The following ANK1 variants were observed in gnomAD, a reference collection of about 807,000 sequenced individuals.
ANK1 encodes the protein ankyrin 1, also known as ankyrin-1.
A neutral mutation model predicts 210.4 loss-of-function variants in ANK1; 51 were observed. The observed-to-expected ratio is 0.24, with a 90% CI of 0.19 to 0.31. The LOEUF (loss-of-function observed/expected upper bound fraction) is 0.31. Ranked by LOEUF, ANK1 falls within the 10% of genes least tolerant of loss-of-function variation. ANK1 has a pLI of 1.00. For missense variants in ANK1, 2,051 were observed against 2,504.4 expected, an observed-to-expected ratio of 0.82 and a Z score of 3.86; for synonymous variants, 967 against 1,025.9, an observed-to-expected ratio of 0.94 and a Z score of 1.10.
chr8:41,709,283 C>T (rs1474856581), intron 16 of ANK1, among the ~76,000 whole-genome samples: 1 of 152,250 alleles, frequency 6.6e-6, no homozygotes, highest in African/African-American at 2.4e-5. Context: ...GAAAGATTCT[C>T]ATTTCTTGCT....
At chr8:41,737,474 C>G (rs1833717067) in intron 2 of ANK1, among the ~76,000 whole-genome samples, 2 of 152,170 alleles carry the variant, frequency 1.3e-5, no homozygotes, top group African/African-American at 4.8e-5. Context: ...AGAAAACCCC[C>G]TTTCTTCTCT....
chr8:41,715,959 A>T (rs779930106), intron 13 of ANK1, 110 bp from the exon 14 acceptor site: 39 of 1,242,754 alleles, frequency 3.1e-5, no homozygotes, highest in Non-Finnish European at 4.3e-5. Flanking sequence ...TGACCTTCTC[A>T]AGGTCACACA....
At position 41,813,147 on chromosome 8, in the gene ANK1, A is replaced by T. The variant is rs531551834; in HGVS notation, c.127-55010T>A. ...AGAAAATGTCTAGATTGTGGGTTATAACGAAGCACATTTTGCAGTTTGAAT... is the reference window on the plus strand; with the variant it reads ...AGAAAATGTCTAGATTGTGGGTTATTACGAAGCACATTTTGCAGTTTGAAT... On this transcript the variant is annotated intron_variant, in intron 1 of 42. Transcript: ENST00000265709. 1.1e-4 allele frequency among the ~76,000 whole-genome samples: 17 copies of T among 152,362 alleles called. No individual in the cohort carries two copies. The South Asian group carries it at 3.1e-3, about 28-fold the overall frequency.
At chr8:41,785,244 T>C (rs949855787) in intron 1 of ANK1, among the ~76,000 whole-genome samples, 3 of 152,088 alleles carry the variant, frequency 2.0e-5, no homozygotes, top group African/African-American at 7.2e-5. Context: ...ACTATGGTCC[T>C]GGCTACTCGG....
chr8:41,694,221 G>A lies in ANK1; in HGVS notation c.3328-119C>T. 9.0e-7 allele frequency: 1 copy of A among 1,105,338 alleles called. No individual in the cohort carries two copies. Among genetic ancestry groups the A allele is most frequent in the Non-Finnish European group, 1.3e-6 (1 of 770,260 alleles). The allele number at this position is 1,105,338 out of a possible 1,614,324, so 68.5% of individuals were successfully genotyped here. A position where few individuals can be genotyped will look rare whatever the true frequency, so the allele number is the denominator to read the frequency against. On this transcript the variant is annotated intron_variant, in intron 28 of 42. Transcript: ENST00000289734. The surrounding 1 kb of genome is among the most constrained non-coding windows in gnomAD (Gnocchi z 5.7). Reference sequence around the variant, plus strand: ...GTGCACGGGGTCCCGCCCTGCTGTTGGACCACAGAACCGACACGGTGGAGC... The same window carrying A: ...GTGCACGGGGTCCCGCCCTGCTGTTAGACCACAGAACCGACACGGTGGAGC...
intron 1 of ANK1, among the ~76,000 whole-genome samples, chr8:41,856,209 A>G (rs1245329591): frequency 6.6e-6 from 1 of 152,220 alleles, no homozygotes; most frequent in Non-Finnish European, 1.5e-5. Context: ...TTCAATTTCA[A>G]GAGAACTTCT....
At chr8:41,699,986 T>C (rs1260138438) in intron 22 of ANK1, among the ~76,000 whole-genome samples, 1 of 152,224 alleles carries the variant, frequency 6.6e-6, no homozygotes, top group Non-Finnish European at 1.5e-5. Context: ...CAAAACCTCA[T>C]TACTTCCAAA....
chr8:41,705,270 T>C (rs1414271648), intron 18 of ANK1, among the ~76,000 whole-genome samples: 1 of 152,202 alleles, frequency 6.6e-6, no homozygotes, highest in Non-Finnish European at 1.5e-5. Context: ...CATAATGGGA[T>C]GGCTTTTGGA....
chr8:41,741,326 C>T (rs369128014), intron 2 of ANK1, among the ~76,000 whole-genome samples: 2 of 152,326 alleles, frequency 1.3e-5, no homozygotes, highest in Non-Finnish European at 1.5e-5. Flanking sequence ...GTCGAGGGGG[C>T]CTCCTCTGGC....
chr8:41,842,438 A>C (rs1436069232), intron 1 of ANK1, among the ~76,000 whole-genome samples: 1 of 152,088 alleles, frequency 6.6e-6, no homozygotes, highest in East Asian at 1.9e-4. Context: ...GGTTGCAGTG[A>C]GCCAAGATCA....
At chr8:41,888,072 G>A (rs1352209420) in intron 1 of ANK1, among the ~76,000 whole-genome samples, 1 of 152,230 alleles carries the variant, frequency 6.6e-6, no homozygotes, top group Non-Finnish European at 1.5e-5. Flanking sequence ...ACAGACTTGA[G>A]CTGACTGCCA....
intron 1 of ANK1, among the ~76,000 whole-genome samples, chr8:41,825,531 G>C (rs1214342993): frequency 6.6e-6 from 1 of 152,166 alleles, no homozygotes; most frequent in Non-Finnish European, 1.5e-5. Flanking sequence ...TCTGAGAACT[G>C]TGTCCTGTTG....
At chr8:41,785,998 T>G (rs1846288330) in intron 1 of ANK1, among the ~76,000 whole-genome samples, 1 of 152,208 alleles carries the variant, frequency 6.6e-6, no homozygotes, top group African/African-American at 2.4e-5. Flanking sequence ...GAGTGCCCCT[T>G]ACAGCCAACT....
intron 1 of ANK1, among the ~76,000 whole-genome samples, chr8:41,807,253 C>T (rs1851103758): frequency 6.6e-6 from 1 of 152,158 alleles, no homozygotes; most frequent in African/African-American, 2.4e-5. Flanking sequence ...CCATGTTACT[C>T]ATCAGATGAC....
At chr8:41,847,688 T>C (rs1810324960) in intron 1 of ANK1, among the ~76,000 whole-genome samples, 1 of 152,180 alleles carries the variant, frequency 6.6e-6, no homozygotes, top group Admixed American at 6.5e-5. Context: ...TATAGTCTTC[T>C]TGTGCAAAAT....
At chr8:41,720,558 T>C (rs1828991045) in intron 9 of ANK1, among the ~76,000 whole-genome samples, 1 of 152,204 alleles carries the variant, frequency 6.6e-6, no homozygotes, top group Non-Finnish European at 1.5e-5. Context: ...GTGCACCTGG[T>C]ATGGGTTAAG....
intron 1 of ANK1, among the ~76,000 whole-genome samples, chr8:41,876,429 T>G (rs1225714317): frequency 6.6e-6 from 1 of 152,182 alleles, no homozygotes; most frequent in Non-Finnish European, 1.5e-5. Context: ...CCCTGGGGGC[T>G]GGGGCGCATT....
intron 1 of ANK1, among the ~76,000 whole-genome samples, chr8:41,871,376 C>G (rs561509621): frequency 1.3e-5 from 2 of 152,314 alleles, no homozygotes; most frequent in East Asian, 3.9e-4. Context: ...AGCATGATCA[C>G]AGCTCACTGC....
At chr8:41,839,979 A>G (rs1276843208) in intron 1 of ANK1, 1 of 152,084 alleles carries the variant, frequency 6.6e-6, no homozygotes, top group Non-Finnish European at 1.5e-5. Context: ...GGCTTATGGG[A>G]GCTCTCTGTA....
Sources: gnomAD v4.1 joint callset for allele counts (sites outside exome capture counted in the v4.1 genomes callset) on GRCh38, gnomAD v4.1.1 for gene constraint, Gnocchi (gnomAD v3.1) non-coding constraint, MANE v1.5 for transcripts, NCBI Gene and HGNC (gene_info 2026-07-23, HGNC 2026-07-21) for gene names.